PTPRD: variants seen among roughly 807,000 people sequenced by gnomAD.
PTPRD encodes receptor-type tyrosine-protein phosphatase delta.
A neutral mutation model predicts 214.5 loss-of-function variants in PTPRD; 34 were observed. The ratio of observed to expected loss-of-function variants is 0.16; its 90% CI spans 0.12 to 0.21. The LOEUF is 0.21. Ranked by LOEUF, PTPRD falls within the 10% of genes least tolerant of loss-of-function variation. The pLI, the probability that PTPRD is intolerant of heterozygous loss-of-function variation, is 1.00. For missense variants in PTPRD, 2,545 were observed against 2,398.7 expected (o/e 1.06, Z -1.27); for synonymous variants, 1,128 against 845.7 (o/e 1.33, Z -5.79).
chr9:8,396,749 C>CTACATGTAAGAGAAAGATGCCATT (rs1210553804), intron 36 of PTPRD, among the ~76,000 whole-genome samples: 1 of 152,070 alleles, frequency 6.6e-6, no homozygotes, highest in African/African-American at 2.4e-5. Flanking sequence ...ACTTGCTTGG[C>CTACATGTAAGAGAAAGATGCCATT]TACATGTAAG....
At chr9:9,450,894 G>C (rs944769259) in intron 8 of PTPRD, among the ~76,000 whole-genome samples, 3 of 148,608 alleles carry the variant, frequency 2.0e-5, no homozygotes, top group Non-Finnish European at 3.0e-5. Context: ...AAGAAAAAAT[G>C]ATGGGCAAAA....
chr9:8,897,175 A>C (rs931987272), intron 11 of PTPRD, among the ~76,000 whole-genome samples: 1 of 152,210 alleles, frequency 6.6e-6, no homozygotes, highest in African/African-American at 2.4e-5. Flanking sequence ...ATCAAGGAAT[A>C]TTTATTAAAT....
chr9:8,319,995 G>A (rs2130728505), intron 44 of PTPRD, 29 bp from the exon 45 acceptor site: 7 of 1,607,286 alleles, frequency 4.4e-6, no homozygotes, highest in Non-Finnish European at 5.9e-6. Context: ...CGATGTTACT[G>A]GGTGAGATGT....
At chr9:9,464,084 G>A (rs538885590) in intron 8 of PTPRD, among the ~76,000 whole-genome samples, 1 of 152,140 alleles carries the variant, frequency 6.6e-6, no homozygotes, top group African/African-American at 2.4e-5. Flanking sequence ...GTTCGTTGAA[G>A]AGATGGATTT....
At position 8,821,141 on chromosome 9, in the gene PTPRD, T is replaced by C. The variant is rs116736354; in HGVS notation, c.-103-87195A>G. Among the ~76,000 whole-genome samples the C allele has an allele frequency of 5.3e-3, 807 of 152,314 alleles. 6 individuals carry two copies. The highest frequency in any genetic ancestry group is 0.018 in the African/African-American group (767 of 41,560). On this transcript the variant is annotated intron_variant, in intron 11 of 45. Coordinates refer to ENST00000381196, the MANE Select transcript of PTPRD (RefSeq NM_002839.4). ...CCTCTGATCCCTCTGCTCCTCTTGA[T>C]AGGTATTTTCTTGAACTATGGGGTT...
At chr9:8,481,122 A>G (rs1207625817) in intron 30 of PTPRD, among the ~76,000 whole-genome samples, 2 of 143,846 alleles carry the variant, frequency 1.4e-5, no homozygotes, top group South Asian at 2.4e-4. Context: ...CCTGGGCAAC[A>G]GAGTTAGACT....
chr9:8,636,785 A>C lies in PTPRD; in HGVS notation c.124T>G (p.Ser42Ala). The C allele has an allele frequency of 6.2e-7, 1 of 1,614,044 alleles. No homozygotes were observed. The change falls in exon 13 of 46, where the codon TCT (serine) becomes GCT (alanine). Residue 42 changes from serine (S) to alanine (A), a missense_variant. Coordinates refer to ENST00000381196, the MANE Select transcript of PTPRD (RefSeq NM_002839.4). ...TCTCCCGTAGCTTGGCAGATGAAAG[A>C]GGCAACTCCGCCAGAGACCCCTGTC... ...DQTGVSGGVA[S>A]FICQATGDPR...
intron 11 of PTPRD, among the ~76,000 whole-genome samples, chr9:8,820,569 A>G (rs970338511): frequency 2.6e-5 from 4 of 152,206 alleles, no homozygotes; most frequent in Non-Finnish European, 5.9e-5. Context: ...AAGGTTAAGG[A>G]TACATTTTTA....
At chr9:8,716,543 G>A (rs187046232) in intron 12 of PTPRD, among the ~76,000 whole-genome samples, 45 of 151,196 alleles carry the variant, frequency 3.0e-4, no homozygotes, top group Admixed American at 1.2e-3. Flanking sequence ...ATTTCTAGAG[G>A]CCCTACACAG....
rs147501856 is a variant in PTPRD, at chr9:9,711,278, A to G, written c.-287+23255T>C. Among the ~76,000 whole-genome samples, 6 of 152,294 alleles carry G rather than the reference A, an allele frequency of 3.9e-5. No homozygotes were observed. The East Asian group carries it at 1.2e-3, about 29-fold the overall frequency. On this transcript the variant is annotated intron_variant, in intron 7 of 45. Transcript: ENST00000381196. The stretch of plus-strand genomic sequence containing the variant: ...TGCCATAGGAACTGTATTCTTGTTT[A>G]TATCAATTAACCTTTGGTAAAATTG...
In PTPRD at chr9:8,831,105, G is replaced by A. The variant is rs73640957; in HGVS notation, c.-103-97159C>T. ...TCACTGAATCCAGCTCCTACACTTC[G>A]CAGACAAGATGACTGAGACTCAGGA... On this transcript the variant is annotated intron_variant, in intron 11 of 45. Transcript: ENST00000381196. Among the ~76,000 whole-genome samples the A allele has an allele frequency of 9.0e-3, 1,374 of 152,174 alleles. 20 individuals carry two copies. Among genetic ancestry groups the A allele is most frequent in the African/African-American group, 0.031 (1,271 of 41,516 alleles).
chr9:8,459,596 G>A (rs1237433090), intron 33 of PTPRD, among the ~76,000 whole-genome samples: 1 of 151,818 alleles, frequency 6.6e-6, no homozygotes, highest in Admixed American at 6.6e-5. Flanking sequence ...CTAACTGACT[G>A]GCCAGTGCCC....
At chr9:9,042,844 T>C (rs1187418156) in intron 10 of PTPRD, among the ~76,000 whole-genome samples, 2 of 152,088 alleles carry the variant, frequency 1.3e-5, no homozygotes, top group Non-Finnish European at 2.9e-5. Flanking sequence ...TCAGGGATTA[T>C]TGATACCAAT....
At chr9:10,194,439 T>TA (rs2099389351) in intron 3 of PTPRD, among the ~76,000 whole-genome samples, 1 of 145,976 alleles carries the variant, frequency 6.9e-6, no homozygotes, top group South Asian at 2.2e-4. Context: ...GAATGGCTGT[T>TA]AGAGATTATA....
rs535787458 is a variant in PTPRD, at chr9:10,214,564, T to C, written c.-545+126399A>G. On this transcript the variant is annotated intron_variant, in intron 3 of 45. Coordinates refer to ENST00000381196, the MANE Select transcript of PTPRD (RefSeq NM_002839.4). ...GTGCTAAGAATACACACCCGAGCTA[T>C]TGCACCCAGCCAACTATTAATTCTT... is the stretch of plus-strand genomic sequence containing the variant. 2.0e-5 allele frequency among the ~76,000 whole-genome samples: 3 copies of C among 151,858 alleles called. No homozygotes were observed. In the East Asian group the frequency reaches 5.8e-4, roughly 29 times the overall value.
intron 2 of PTPRD, among the ~76,000 whole-genome samples, chr9:10,352,107 G>A (rs1201297719): frequency 6.6e-6 from 1 of 151,910 alleles, no homozygotes; most frequent in Non-Finnish European, 1.5e-5. Context: ...TAGTTCTAAA[G>A]CAAATCATAT....
intron 10 of PTPRD, among the ~76,000 whole-genome samples, chr9:9,064,946 T>C (rs1346965737): frequency 6.6e-6 from 1 of 151,992 alleles, no homozygotes; most frequent in African/African-American, 2.4e-5. Flanking sequence ...TATGGAGGAG[T>C]CATTGAATTT....
chr9:10,345,671 A>G (rs2097062973), intron 2 of PTPRD, among the ~76,000 whole-genome samples: 1 of 152,136 alleles, frequency 6.6e-6, no homozygotes, highest in African/African-American at 2.4e-5. Flanking sequence ...TCATTGATGG[A>G]CATTTGTGTT....
intron 11 of PTPRD, among the ~76,000 whole-genome samples, chr9:8,893,199 G>C (rs914770119): frequency 5.3e-5 from 8 of 152,078 alleles, no homozygotes; most frequent in Non-Finnish European, 1.0e-4. Flanking sequence ...AATCTGATGG[G>C]ACAAGAGAGG....
Sources: allele counts gnomAD v4.1 joint callset (sites outside exome capture counted in the v4.1 genomes callset), GRCh38; gene constraint gnomAD v4.1.1; transcripts MANE v1.5; gene names NCBI Gene and HGNC (gene_info 2026-07-23, HGNC 2026-07-21).